Variants in PROS1 observed in about 807,000 individuals in gnomAD.
PROS1 encodes the protein protein S, also known as vitamin K-dependent protein S.
PROS1 carries 29 observed loss-of-function variants against 75.9 expected under a neutral mutation model. The observed-to-expected ratio is 0.38, with a 90% CI of 0.28 to 0.52. The LOEUF (loss-of-function observed/expected upper bound fraction) is 0.52. Ranked by LOEUF, PROS1 falls within the 20% of genes least tolerant of loss-of-function variation. The pLI is 0.83. For synonymous variants in PROS1, 245 were observed against 280.6 expected (o/e 0.87, Z 1.27); for missense variants, 680 against 810.3 (o/e 0.84, Z 1.95).
chr3:93,912,614 G>A (rs955233616), intron 3 of PROS1, among the ~76,000 whole-genome samples: 9 of 151,992 alleles, frequency 5.9e-5, no homozygotes, highest in African/African-American at 9.7e-5. Flanking sequence ...TACCACAGAC[G>A]GGCTAATTTA....
At chr3:93,968,375 A>G (rs1709821292) in intron 1 of PROS1, among the ~76,000 whole-genome samples, 1 of 152,210 alleles carries the variant, frequency 6.6e-6, no homozygotes, top group African/African-American at 2.4e-5. Context: ...TGAGGTTACC[A>G]GGAGCTAGGA....
rs1486253687 is a variant in PROS1 at position 93,873,811 on chromosome 3, T to G, written c.*434A>C. 2.0e-5 allele frequency: 4 copies of G among 197,220 alleles called. No individual in the cohort carries two copies. Among genetic ancestry groups the G allele is most frequent in the African/African-American group, 7.2e-5 (3 of 41,806 alleles). 12.2% of individuals were successfully genotyped at this position (197,220 alleles called of 1,614,324 possible). A position where few individuals can be genotyped will look rare whatever the true frequency, so the allele number is the denominator to read the frequency against. On this transcript the variant is annotated 3_prime_UTR_variant, in exon 15 of 15. Transcript: ENST00000394236. ...TAGACCACCATCTCTTCTGCCTTCA[T>G]CAGGAAAAAAACAAAAACATAAACA...
intron 1 of PROS1, among the ~76,000 whole-genome samples, chr3:93,963,694 C>T (rs529640503): frequency 1.7e-4 from 22 of 127,006 alleles, no homozygotes; most frequent in East Asian, 1.4e-3. Context: ...AATGGGAGCG[C>T]GAGCTAGAAG....
chr3:93,965,032 T>C (rs1349263825), intron 1 of PROS1, among the ~76,000 whole-genome samples: 1 of 152,068 alleles, frequency 6.6e-6, no homozygotes, highest in Non-Finnish European at 1.5e-5. Flanking sequence ...CTCACTAAAA[T>C]GCGAATTAGG....
intron 9 of PROS1, among the ~76,000 whole-genome samples, chr3:93,894,729 G>T (rs764794075): frequency 6.6e-6 from 1 of 152,174 alleles, no homozygotes; most frequent in East Asian, 1.9e-4. Context: ...AGCAACAGAC[G>T]TCAAGAAATT....
chr3:93,957,548 AGAG>A (rs1709623545), intron 1 of PROS1, among the ~76,000 whole-genome samples: 1 of 152,242 alleles, frequency 6.6e-6, no homozygotes, highest in South Asian at 2.1e-4. Context: ...AACAACTAAA[AGAG>A]GACTTCATAT....
chr3:93,973,653 G>C (rs1262199446), intron 1 of PROS1, 21 bp downstream of exon 1: 1 of 1,611,694 alleles, frequency 6.2e-7, no homozygotes, highest in African/African-American at 1.3e-5. Context: ...GAAGGGAGAA[G>C]AGACGCTATT....
At chr3:93,931,054 A>G (rs1426860724) in intron 1 of PROS1, among the ~76,000 whole-genome samples, 1 of 152,356 alleles carries the variant, frequency 6.6e-6, no homozygotes, top group Non-Finnish European at 1.5e-5. Context: ...TCAGCCCAAC[A>G]ATGCTTTACA....
At chr3:93,945,506 T>C (rs1170734499) in intron 1 of PROS1, among the ~76,000 whole-genome samples, 1 of 152,158 alleles carries the variant, frequency 6.6e-6, no homozygotes, top group Non-Finnish European at 1.5e-5. Context: ...TGGTTCAACA[T>C]ATGTAAATCA....
At chr3:93,970,098 A>G (rs1430714243) in intron 1 of PROS1, among the ~76,000 whole-genome samples, 1 of 152,200 alleles carries the variant, frequency 6.6e-6, no homozygotes, top group Non-Finnish European at 1.5e-5. Context: ...TTTAGTAAAG[A>G]TAATTTAAGA....
At chr3:93,926,367 C>G (rs1217936640) in intron 2 of PROS1, among the ~76,000 whole-genome samples, 2 of 152,210 alleles carry the variant, frequency 1.3e-5, no homozygotes, top group African/African-American at 2.4e-5. Flanking sequence ...CGCAGTGGCT[C>G]ATGCCTGTAA....
At chr3:93,944,653 G>A (rs1290887045) in intron 1 of PROS1, among the ~76,000 whole-genome samples, 1 of 152,194 alleles carries the variant, frequency 6.6e-6, no homozygotes, top group Non-Finnish European at 1.5e-5. Context: ...CACATTTAAA[G>A]CAGTATATTG....
At chr3:93,876,248 G>T in intron 14 of PROS1, among the ~76,000 whole-genome samples, 1 of 152,144 alleles carries the variant, frequency 6.6e-6, no homozygotes. Flanking sequence ...TATATTTGAA[G>T]CACGTTAAAC....
intron 3 of PROS1, among the ~76,000 whole-genome samples, chr3:93,921,192 G>C (rs772896224): frequency 1.4e-4 from 21 of 152,120 alleles, no homozygotes; most frequent in Admixed American, 4.6e-4. Context: ...CTGATTTCCT[G>C]ATGTTAACTC....
chr3:93,951,201 C>A (rs546212818), intron 1 of PROS1, among the ~76,000 whole-genome samples: 41 of 152,184 alleles, frequency 2.7e-4, no homozygotes, highest in African/African-American at 8.9e-4. Context: ...AATTCCCCAA[C>A]CTAGCAAGGC....
chr3:93,928,747 C>G (rs1301649180), intron 1 of PROS1: 2 of 1,296,422 alleles, frequency 1.5e-6, no homozygotes, highest in African/African-American at 3.0e-5. Context: ...CCGACCAATA[C>G]AGAAATGCAT....
chr3:93,878,086 G>T (rs189599158), intron 13 of PROS1, among the ~76,000 whole-genome samples: 1 of 152,122 alleles, frequency 6.6e-6, no homozygotes, highest in Non-Finnish European at 1.5e-5. Flanking sequence ...AATCTGACAT[G>T]CAAAGAAAGA....
At chr3:93,930,478 G>A (rs1244069956) in intron 1 of PROS1, among the ~76,000 whole-genome samples, 1 of 152,080 alleles carries the variant, frequency 6.6e-6, no homozygotes, top group Non-Finnish European at 1.5e-5. Flanking sequence ...AAGGTTAAAT[G>A]CACTTAGGAA....
chr3:93,876,467 T>C (rs1252459331), intron 14 of PROS1, among the ~76,000 whole-genome samples: 1 of 151,504 alleles, frequency 6.6e-6, no homozygotes, highest in Non-Finnish European at 1.5e-5. Context: ...CGGGCACCTG[T>C]AGTCCCAGCT....
Sources: gnomAD v4.1 joint callset for allele counts (sites outside exome capture counted in the v4.1 genomes callset) on GRCh38, gnomAD v4.1.1 for gene constraint, MANE v1.5 for transcripts, NCBI Gene and HGNC (gene_info 2026-07-23, HGNC 2026-07-21) for gene names.